The following OTOGL variants were observed in gnomAD, a reference collection of about 807,000 sequenced individuals.
The protein encoded by OTOGL is otogelin-like protein.
OTOGL carries 285 observed loss-of-function variants against 318.5 expected under a neutral mutation model. The observed-to-expected ratio is 0.89, with a 90% CI of 0.81 to 0.99. The LOEUF (loss-of-function observed/expected upper bound fraction) is 0.99. Ranked by LOEUF, OTOGL falls within the 50% of genes least tolerant of loss-of-function variation. The pLI, the probability that OTOGL is intolerant of heterozygous loss-of-function variation, is 0.00. For synonymous variants in OTOGL, 987 were observed against 936.5 expected, an observed-to-expected ratio of 1.05 and a Z score of -0.99; for missense variants, 2,899 against 2,845.6, an observed-to-expected ratio of 1.02 and a Z score of -0.43.
chr12:80,138,489 A>T (rs1487904897), intron 1 of OTOGL, among the ~76,000 whole-genome samples: 1 of 152,140 alleles, frequency 6.6e-6, no homozygotes, highest in Admixed American at 6.5e-5. Context: ...TGATGATGAG[A>T]ACATGTGTTC....
intron 1 of OTOGL, among the ~76,000 whole-genome samples, chr12:80,102,470 C>G (rs1869195457): frequency 6.6e-6 from 1 of 152,192 alleles, no homozygotes; most frequent in Admixed American, 6.5e-5. Context: ...TTTCCTCCTT[C>G]ACTCCTATGT....
At chr12:80,141,774 A>G (rs1352600317) in intron 1 of OTOGL, among the ~76,000 whole-genome samples, 2 of 152,178 alleles carry the variant, frequency 1.3e-5, no homozygotes, top group African/African-American at 4.8e-5. Flanking sequence ...CAAGTTGCTT[A>G]TATTTTACAG....
intron 20 of OTOGL, chr12:80,265,477 A>G (rs1882882653): frequency 2.2e-6 from 1 of 446,158 alleles, no homozygotes; most frequent in African/African-American, 2.0e-5. Context: ...AATAATTTAA[A>G]ACATTTGAAA....
At chr12:80,104,488 G>C (rs1869334638) in intron 1 of OTOGL, among the ~76,000 whole-genome samples, 4 of 152,160 alleles carry the variant, frequency 2.6e-5, no homozygotes, top group African/African-American at 9.7e-5. Context: ...CTTGGGGAAG[G>C]ACCCAACTCA....
At chr12:80,369,649 C>G (rs1284206601) in intron 55 of OTOGL, among the ~76,000 whole-genome samples, 1 of 151,964 alleles carries the variant, frequency 6.6e-6, no homozygotes, top group Non-Finnish European at 1.5e-5. Context: ...ACTTGAGATT[C>G]AAAAATGTAG....
chr12:80,287,265 T>C (rs1314986403), intron 26 of OTOGL, among the ~76,000 whole-genome samples: 1 of 150,040 alleles, frequency 6.7e-6, no homozygotes, highest in African/African-American at 2.4e-5. Flanking sequence ...TGAGAGACTG[T>C]TTGTTATGAA....
At chr12:80,319,589 C>G (rs551777132) in intron 33 of OTOGL, among the ~76,000 whole-genome samples, 2 of 152,036 alleles carry the variant, frequency 1.3e-5, no homozygotes, top group Non-Finnish European at 2.9e-5. Flanking sequence ...TGGTGCTCAG[C>G]AGAAGAACTT....
At chr12:80,195,259 C>A (rs1185901937) in intron 1 of OTOGL, among the ~76,000 whole-genome samples, 1 of 152,158 alleles carries the variant, frequency 6.6e-6, no homozygotes, top group Non-Finnish European at 1.5e-5. Flanking sequence ...TGCAGTTTGG[C>A]TCAGCTTAGC....
chr12:80,270,728 G>C (rs1883345964), intron 23 of OTOGL, among the ~76,000 whole-genome samples: 1 of 152,000 alleles, frequency 6.6e-6, no homozygotes, highest in Admixed American at 6.6e-5. Flanking sequence ...GACATCCACT[G>C]TTATCCCTTC....
At position 80,283,588 on chromosome 12, in the gene OTOGL, G is replaced by T. The variant is rs1884392335; in HGVS notation, c.2928+4422G>T. ...CACTTCTTCTGGGTTCCTCATGGGA[G>T]CTAGCACAATTATGGCTGAATTATG... On this transcript the variant is annotated intron_variant, in intron 26 of 58. Coordinates refer to ENST00000547103, the MANE Select transcript of OTOGL (RefSeq NM_001378609.3). Among the ~76,000 whole-genome samples, 3 of 150,620 alleles carry T rather than the reference G, an allele frequency of 2.0e-5. No individual in the cohort carries two copies. In the Admixed American group the frequency reaches 2.1e-4, roughly 10 times the overall value.
intron 54 of OTOGL, 60 bp from the exon 55 acceptor site, chr12:80,368,145 C>T: frequency 8.0e-7 from 1 of 1,245,522 alleles, no homozygotes; most frequent in Non-Finnish European, 1.1e-6. Context: ...AATAACTCTC[C>T]AGAAGTAATT....
chr12:80,290,243 GA>G (rs2137676291), intron 26 of OTOGL, among the ~76,000 whole-genome samples: 1 of 151,870 alleles, frequency 6.6e-6, no homozygotes, highest in Non-Finnish European at 1.5e-5. Context: ...CAGTCCTAGA[GA>G]GATGAACTGG....
intron 1 of OTOGL, among the ~76,000 whole-genome samples, chr12:80,202,517 C>T (rs1003104144): frequency 2.0e-5 from 3 of 152,194 alleles, no homozygotes; most frequent in African/African-American, 7.2e-5. Context: ...AGGTGATCCG[C>T]CTGCCTTGGC....
intron 11 of OTOGL, 64 bp from the exon 12 acceptor site, chr12:80,251,629 C>T (rs1881553215): frequency 3.8e-6 from 5 of 1,315,594 alleles, no homozygotes; most frequent in Middle Eastern, 1.9e-4. Context: ...GGATCAGGAC[C>T]TCAATGGTAT....
chr12:80,281,140 G>T (rs914911506), intron 26 of OTOGL, among the ~76,000 whole-genome samples: 2 of 151,650 alleles, frequency 1.3e-5, no homozygotes, highest in African/African-American at 4.8e-5. Context: ...TATTGTCTGT[G>T]AAGAGAGATA....
Position 80,265,186 on chromosome 12 carries a change from TTCAGAACTCA to T in OTOGL, c.2201_2210del (p.Phe734Ter). ...CGGCCAGCACGGTGTTCCCATTGAT[TTCAGAACTCA>T]GATTTCTTTCTGTGGTGAGTACAAT... On this transcript the variant is annotated frameshift_variant, in exon 20 of 59. Coordinates refer to ENST00000547103, the MANE Select transcript of OTOGL (RefSeq NM_001378609.3). LOFTEE classifies it high-confidence loss of function. The T allele has an allele frequency of 6.2e-7, 1 of 1,613,742 alleles. No individual in the cohort carries two copies. The highest frequency in any genetic ancestry group is 8.5e-7 in the Non-Finnish European group (1 of 1,179,802).
chr12:80,210,063 T>G (rs1002444631), intron 2 of OTOGL, among the ~76,000 whole-genome samples: 1 of 152,062 alleles, frequency 6.6e-6, no homozygotes, highest in Non-Finnish European at 1.5e-5. Flanking sequence ...ATTAATAAAT[T>G]TTCTTGCTAT....
intron 1 of OTOGL, among the ~76,000 whole-genome samples, chr12:80,156,996 G>T (rs1278450531): frequency 1.3e-5 from 2 of 152,048 alleles, no homozygotes; most frequent in African/African-American, 4.8e-5. Context: ...TCAATTTTTA[G>T]TTTTTCAAGG....
chr12:80,136,046 T>A (rs138609601), intron 1 of OTOGL, among the ~76,000 whole-genome samples: 90 of 152,362 alleles, frequency 5.9e-4, no homozygotes, highest in African/African-American at 2.1e-3. Context: ...AACCTCTTCA[T>A]GTCTGTCTAT....
Sources: allele counts gnomAD v4.1 joint callset (sites outside exome capture counted in the v4.1 genomes callset), GRCh38; gene constraint gnomAD v4.1.1; transcripts MANE v1.5; gene names NCBI Gene and HGNC (gene_info 2026-07-23, HGNC 2026-07-21).